GRM8: variants seen among roughly 807,000 people sequenced by gnomAD.
The protein encoded by GRM8 is glutamate metabotropic receptor 8, also known as metabotropic glutamate receptor 8.
Under a neutral mutation model 87.2 loss-of-function variants are expected in GRM8, and 47 were observed. The observed-to-expected ratio is 0.54, with a 90% confidence interval of 0.43 to 0.69. GRM8 has a LOEUF of 0.69. Ranked by LOEUF, GRM8 falls within the 30% of genes least tolerant of loss-of-function variation. The probability of loss-of-function intolerance (pLI) is 0.00; values close to 1 mark genes in which losing one functional copy is unlikely to be tolerated. For synonymous variants in GRM8, 396 were observed against 404.5 expected, an observed-to-expected ratio of 0.98 and a Z score of 0.25; for missense variants, 1,019 against 1,139.2, an observed-to-expected ratio of 0.89 and a Z score of 1.52.
intron 9 of GRM8, among the ~76,000 whole-genome samples, chr7:126,493,607 C>T (rs1044666791): frequency 6.6e-6 from 1 of 152,016 alleles, no homozygotes; most frequent in Non-Finnish European, 1.5e-5. Context: ...TCTACAGCTG[C>T]GCTACCTTTG....
chr7:126,981,377 ATT>A (rs1811510796), intron 3 of GRM8: 1 of 152,172 alleles, frequency 6.6e-6, no homozygotes, highest in South Asian at 2.1e-4. Context: ...AAAATGGGTA[ATT>A]TATTTTTAAA....
intron 3 of GRM8, among the ~76,000 whole-genome samples, chr7:127,101,351 T>C (rs1298945822): frequency 1.3e-5 from 2 of 152,138 alleles, no homozygotes; most frequent in Non-Finnish European, 2.9e-5. Context: ...AGTTTCCTCC[T>C]GATATAATAT....
intron 8 of GRM8, among the ~76,000 whole-genome samples, chr7:126,591,173 G>A (rs1796634653): frequency 2.6e-5 from 4 of 152,000 alleles, no homozygotes. Context: ...TTAAGATAAA[G>A]AGGTGGAAAA....
chr7:127,145,691 G>C (rs1038859251), intron 2 of GRM8, among the ~76,000 whole-genome samples: 3 of 151,954 alleles, frequency 2.0e-5, no homozygotes, highest in Non-Finnish European at 4.4e-5. Context: ...GAAGCAGAGT[G>C]GCATAATAAT....
At chr7:126,990,420 T>G (rs1175907731) in intron 3 of GRM8, among the ~76,000 whole-genome samples, 3 of 151,744 alleles carry the variant, frequency 2.0e-5, no homozygotes, top group Non-Finnish European at 2.9e-5. Context: ...GCTTGCATTA[T>G]GTATTTTGCA....
chr7:126,470,278 G>A (rs1193181006), intron 9 of GRM8, among the ~76,000 whole-genome samples: 1 of 151,340 alleles, frequency 6.6e-6, no homozygotes, highest in Non-Finnish European at 1.5e-5. Flanking sequence ...CCATGCTGGG[G>A]TGCTGCACCC....
intron 2 of GRM8, among the ~76,000 whole-genome samples, chr7:127,182,662 TG>T (rs1338120443): frequency 2.0e-5 from 3 of 150,680 alleles, no homozygotes; most frequent in Non-Finnish European, 3.0e-5. Flanking sequence ...TGTGTGTGTG[TG>T]TGTGTGTGTG....
At chr7:127,217,691 A>G (rs749480934) in intron 2 of GRM8, among the ~76,000 whole-genome samples, 1 of 152,182 alleles carries the variant, frequency 6.6e-6, no homozygotes, top group African/African-American at 2.4e-5. Flanking sequence ...CAGGTCTGTT[A>G]GATACTCCCG....
At chr7:127,143,164 C>G (rs1183359985) in intron 2 of GRM8, among the ~76,000 whole-genome samples, 1 of 152,038 alleles carries the variant, frequency 6.6e-6, no homozygotes, top group Non-Finnish European at 1.5e-5. Flanking sequence ...TTTAATTTTG[C>G]CTTTTTCCTA....
intron 2 of GRM8, among the ~76,000 whole-genome samples, chr7:127,236,340 TA>T (rs1797979138): frequency 6.6e-6 from 1 of 152,236 alleles, no homozygotes; most frequent in African/African-American, 2.4e-5. Context: ...CACACTGCTA[TA>T]AGGAACTGCC....
intron 9 of GRM8, among the ~76,000 whole-genome samples, chr7:126,470,155 T>G (rs1804988921): frequency 6.6e-6 from 1 of 152,078 alleles, no homozygotes; most frequent in Admixed American, 6.6e-5. Context: ...TTGAGAGAGA[T>G]GATTTATCTG....
chr7:126,787,911 G>A (rs550858986), intron 6 of GRM8, among the ~76,000 whole-genome samples: 23 of 151,790 alleles, frequency 1.5e-4, no homozygotes, highest in South Asian at 4.2e-4. Flanking sequence ...AAAACTTTCC[G>A]TTTGTGATCC....
intron 3 of GRM8, among the ~76,000 whole-genome samples, chr7:126,924,425 C>T (rs969431466): frequency 1.3e-5 from 2 of 152,150 alleles, no homozygotes; most frequent in African/African-American, 4.8e-5. Context: ...GATTAGACTG[C>T]ATAATCCCTC....
At chr7:126,571,874 G>C (rs1325364403) in intron 8 of GRM8, among the ~76,000 whole-genome samples, 3 of 151,902 alleles carry the variant, frequency 2.0e-5, no homozygotes, top group Non-Finnish European at 1.5e-5. Flanking sequence ...CCGAGTAGCT[G>C]GGATTACAGA....
At chr7:127,095,179 ATG>A (rs1407382337) in intron 3 of GRM8, among the ~76,000 whole-genome samples, 3 of 152,220 alleles carry the variant, frequency 2.0e-5, no homozygotes, top group African/African-American at 7.2e-5. Context: ...TGTAAGTCAA[ATG>A]TCTGGTGGGA....
At chr7:127,143,192 C>T (rs369932394) in intron 2 of GRM8, among the ~76,000 whole-genome samples, 1 of 151,984 alleles carries the variant, frequency 6.6e-6, no homozygotes, top group Non-Finnish European at 1.5e-5. Context: ...AATAGGTAAG[C>T]CTGTTGGAAG....
chr7:126,775,003 T>C (rs1446177734), intron 6 of GRM8, among the ~76,000 whole-genome samples: 1 of 152,128 alleles, frequency 6.6e-6, no homozygotes, highest in Non-Finnish European at 1.5e-5. Context: ...CAAATGGAAG[T>C]CATACCAGTT....
chr7:126,714,676 C>G (rs1026890894), intron 7 of GRM8, among the ~76,000 whole-genome samples: 2 of 152,110 alleles, frequency 1.3e-5, no homozygotes, highest in African/African-American at 4.8e-5. Context: ...TCCCCTTTTT[C>G]ATATATACAG....
At chr7:126,477,171 T>C (rs951234595) in intron 9 of GRM8, among the ~76,000 whole-genome samples, 18 of 152,134 alleles carry the variant, frequency 1.2e-4, no homozygotes, top group African/African-American at 4.3e-4. Flanking sequence ...ATCCCACTTA[T>C]ATGTGGAATC....
Sources: allele counts gnomAD v4.1 joint callset (sites outside exome capture counted in the v4.1 genomes callset), GRCh38; gene constraint gnomAD v4.1.1; transcripts MANE v1.5; gene names NCBI Gene and HGNC (gene_info 2026-07-23, HGNC 2026-07-21).